Variants in MAST2 observed in about 807,000 individuals in gnomAD.
The protein encoded by MAST2 is microtubule associated serine/threonine kinase 2, also known as microtubule-associated serine/threonine-protein kinase 2.
Under a neutral mutation model 147.4 loss-of-function variants are expected in MAST2, and 70 were observed. The ratio of observed to expected loss-of-function variants is 0.47; its 90% CI spans 0.39 to 0.58. MAST2 has a LOEUF of 0.58. MAST2 is among the 20% of genes least tolerant of loss of function. MAST2 has a pLI of 0.00. For synonymous variants in MAST2, 869 were observed against 896.8 expected (o/e 0.97, Z 0.55); for missense variants, 2,080 against 2,302.3 (o/e 0.90, Z 1.98).
rs190022713 is a variant in MAST2 at position 45,904,654 on chromosome 1, T to C, written c.500+22259T>C. On this transcript the variant is annotated intron_variant, in intron 4 of 28. Coordinates refer to ENST00000361297, the MANE Select transcript of MAST2 (RefSeq NM_015112.3). Reference sequence around the variant, plus strand: ...CTAATTTTTGTATTTTTTGTAAAGATGGGATTTTGCCATATTGCCCAAGCT... The same window carrying C: ...CTAATTTTTGTATTTTTTGTAAAGACGGGATTTTGCCATATTGCCCAAGCT... Among the ~76,000 whole-genome samples the C allele has an allele frequency of 3.6e-4, 55 of 152,092 alleles. No individual in the cohort carries two copies. The East Asian group carries it at 9.3e-3, about 26-fold the overall frequency.
chr1:46,000,925 G>A (rs1645248332), intron 6 of MAST2: 1 of 1,284,942 alleles, frequency 7.8e-7, no homozygotes, highest in South Asian at 1.2e-5. Context: ...TGGTTCCTTT[G>A]GTTCTCACTA....
intron 18 of MAST2, 140 bp downstream of exon 18, chr1:46,029,073 G>A: frequency 1.0e-6 from 1 of 977,672 alleles, no homozygotes; most frequent in Non-Finnish European, 1.5e-6. Flanking sequence ...TTTGGGGATG[G>A]GTGTCTCTGT....
chr1:45,926,355 AT>A (rs1392800393), intron 4 of MAST2, among the ~76,000 whole-genome samples: 3 of 152,084 alleles, frequency 2.0e-5, no homozygotes, highest in African/African-American at 7.2e-5. Context: ...TTAGCACTTC[AT>A]TTTGCTTCCA....
intron 3 of MAST2, among the ~76,000 whole-genome samples, chr1:45,856,151 C>T (rs1381829811): frequency 6.6e-6 from 1 of 152,126 alleles, no homozygotes; most frequent in Non-Finnish European, 1.5e-5. Context: ...GGGCTTGGTA[C>T]ACAGCAAACT....
At chr1:45,817,140 A>G (rs1644480740) in intron 1 of MAST2, among the ~76,000 whole-genome samples, 1 of 152,206 alleles carries the variant, frequency 6.6e-6, no homozygotes, top group Non-Finnish European at 1.5e-5. Context: ...AAGAGGAGGT[A>G]GAGAGATAGG....
At chr1:45,817,556 C>G (rs962653123) in intron 1 of MAST2, among the ~76,000 whole-genome samples, 3 of 152,172 alleles carry the variant, frequency 2.0e-5, no homozygotes, top group Non-Finnish European at 4.4e-5. Flanking sequence ...AACACCAGAC[C>G]TGTCCCACAC....
At chr1:45,913,476 G>GT (rs1262186697) in intron 4 of MAST2, 1 of 538,944 alleles carries the variant, frequency 1.9e-6, no homozygotes, top group Non-Finnish European at 2.4e-6. Context: ...CAACTGATTT[G>GT]TGGGGGAGGG....
chr1:45,988,550 AATGT>A (rs2149102436), intron 5 of MAST2, among the ~76,000 whole-genome samples: 1 of 152,282 alleles, frequency 6.6e-6, no homozygotes, highest in East Asian at 1.9e-4. Flanking sequence ...ACCTGAAAAG[AATGT>A]ATATTAGTAC....
chr1:45,812,539 T>TGC (rs1644335641), intron 1 of MAST2, among the ~76,000 whole-genome samples: 1 of 151,844 alleles, frequency 6.6e-6, no homozygotes, highest in South Asian at 2.1e-4. Context: ...GTGATTCTCC[T>TGC]GCCTCAGCCT....
At chr1:46,027,606 G>GCTAC (rs1646467958) in intron 16 of MAST2, 125 bp from the exon 17 acceptor site, 1 of 1,006,704 alleles carries the variant, frequency 9.9e-7, no homozygotes, top group African/African-American at 1.6e-5. Context: ...CCCAGCTGAA[G>GCTAC]CTACCCAGCT....
intron 7 of MAST2, among the ~76,000 whole-genome samples, chr1:46,005,732 T>C (rs1645459229): frequency 6.6e-6 from 1 of 152,204 alleles, no homozygotes; most frequent in African/African-American, 2.4e-5. Flanking sequence ...GTCTGCAGGC[T>C]GTAGTTTGCT....
chr1:45,823,716 TC>T (rs1644707235), intron 1 of MAST2, among the ~76,000 whole-genome samples: 1 of 152,170 alleles, frequency 6.6e-6, no homozygotes, highest in Non-Finnish European at 1.5e-5. Flanking sequence ...ACAGCTTCCT[TC>T]ATTGACATAT....
At chr1:45,820,114 G>T (rs2148681408) in intron 1 of MAST2, among the ~76,000 whole-genome samples, 1 of 152,236 alleles carries the variant, frequency 6.6e-6, no homozygotes, top group East Asian at 1.9e-4. Context: ...TACAATAAAT[G>T]GTTCTCGGAA....
At chr1:45,881,581 A>G (rs1480664292) in intron 3 of MAST2, among the ~76,000 whole-genome samples, 1 of 152,178 alleles carries the variant, frequency 6.6e-6, no homozygotes, top group African/African-American at 2.4e-5. Context: ...GTTATTTCTT[A>G]TGCCAGTGGT....
Position 46,031,047 on chromosome 1 carries a change from G to C in MAST2, c.2749G>C (p.Glu917Gln), listed in dbSNP as rs944773245. The C allele has an allele frequency of 2.5e-6, 4 of 1,613,752 alleles. No homozygotes were observed. The highest frequency in any genetic ancestry group is 1.3e-5 in the African/African-American group (1 of 74,890). The change falls in exon 23 of 29, where the codon GAG becomes CAG. Residue 917 changes from glutamate to glutamine, a missense_variant. Glu to Gln is a conservative substitution (Grantham distance 29). Around this residue, in one of 4 missense-constraint regions of MAST2, gnomAD observed 1,278 missense variants for 1,304.2 expected, o/e 0.98. Coordinates refer to ENST00000361297, the MANE Select transcript of MAST2 (RefSeq NM_015112.3). This position sits in a 1 kb window ranked among gnomAD's most constrained non-coding sequence, Gnocchi z 4.1. ...RLSVSESSHTESDSSPPMTVR... is the reference protein window; with the variant it reads ...RLSVSESSHTQSDSSPPMTVR... ...GTCGGTGTCTGAGTCATCCCACACAGAGAGTGACTCAAGCCCTCCAATGAC... is the reference window on the plus strand; with the variant it reads ...GTCGGTGTCTGAGTCATCCCACACACAGAGTGACTCAAGCCCTCCAATGAC...
At chr1:45,893,525 G>C (rs1398859406) in intron 4 of MAST2, among the ~76,000 whole-genome samples, 2 of 151,310 alleles carry the variant, frequency 1.3e-5, no homozygotes, top group South Asian at 4.2e-4. Flanking sequence ...GCAGATGTGA[G>C]CCACCGCACC....
intron 1 of MAST2, among the ~76,000 whole-genome samples, chr1:45,818,101 GTTCACTTGTTGAAGC>G (rs1389525700): frequency 2.6e-5 from 4 of 152,148 alleles, no homozygotes; most frequent in Non-Finnish European, 5.9e-5. Context: ...AGCCCAATTC[GTTCACTTGTTGAAGC>G]TTGGTTGTGT....
intron 4 of MAST2, chr1:45,917,378 CAT>C (rs773888819): frequency 7.3e-6 from 10 of 1,366,526 alleles, no homozygotes; most frequent in Non-Finnish European, 4.9e-6. Context: ...TAAACCAGCA[CAT>C]GTTTTCACCC....
At chr1:46,003,888 C>T (rs1357679117) in intron 7 of MAST2, among the ~76,000 whole-genome samples, 1 of 152,182 alleles carries the variant, frequency 6.6e-6, no homozygotes, top group East Asian at 1.9e-4. Context: ...GACCTGCTGA[C>T]CCCATCCCCA....
Sources: allele counts gnomAD v4.1 joint callset (sites outside exome capture counted in the v4.1 genomes callset), GRCh38; gene constraint gnomAD v4.1.1; regional missense constraint gnomAD v4.1.1; non-coding constraint Gnocchi (gnomAD v3.1); transcripts MANE v1.5; gene names NCBI Gene and HGNC (gene_info 2026-07-23, HGNC 2026-07-21).